CTNNA3: variants seen among roughly 807,000 people sequenced by gnomAD.
CTNNA3 encodes the protein catenin alpha 3.
A neutral mutation model predicts 95.7 loss-of-function variants in CTNNA3; 76 were observed. That is an observed-to-expected ratio of 0.79 (90% CI 0.66 to 0.96). The LOEUF is 0.96. CTNNA3 is among the 40% of genes least tolerant of loss of function. CTNNA3 has a pLI of 0.00. For synonymous variants in CTNNA3, 431 were observed against 374.4 expected (o/e 1.15, Z -1.74); for missense variants, 1,191 against 1,089.8 (o/e 1.09, Z -1.31).
chr10:67,636,196 T>C (rs1418788667), intron 2 of CTNNA3, among the ~76,000 whole-genome samples: 1 of 152,152 alleles, frequency 6.6e-6, no homozygotes, highest in African/African-American at 2.4e-5. Context: ...AATCATTCCA[T>C]CCTCATGGAT....
Position 66,307,536 on chromosome 10 carries a change from G to A in CTNNA3, c.1733-26915C>T, listed in dbSNP as rs190219915. Among the ~76,000 whole-genome samples, 27 of 152,196 alleles carry A rather than the reference G, an allele frequency of 1.8e-4. No homozygotes were observed. In the East Asian group the frequency reaches 5.2e-3, roughly 29 times the overall value. On this transcript the variant is annotated intron_variant, in intron 12 of 17. Coordinates refer to ENST00000433211, the MANE Select transcript of CTNNA3 (RefSeq NM_013266.4). ...TCTTTAACACTTCTAATTATTCAGA[G>A]AGATGACATAATATCTTCTGACAAA...
intron 17 of CTNNA3, among the ~76,000 whole-genome samples, chr10:65,959,471 C>T (rs1047060369): frequency 6.6e-6 from 1 of 152,200 alleles, no homozygotes; most frequent in African/African-American, 2.4e-5. Context: ...CTGTATCGCT[C>T]ATGCTGGGAG....
At chr10:67,442,933 T>C (rs1846581974) in intron 5 of CTNNA3, among the ~76,000 whole-genome samples, 1 of 137,944 alleles carries the variant, frequency 7.2e-6, no homozygotes, top group Admixed American at 7.1e-5. Context: ...CTCCTAATGC[T>C]ATCCCTCCCC....
rs1383824728 is a variant in CTNNA3 at position 65,943,399 on chromosome 10, A to G, written c.2401-22782T>C. ...TGATAGTTTTACACAGAGGATCTAT[A>G]CAAAGCACAACTGTACATATAACCT... On this transcript the variant is annotated intron_variant, in intron 17 of 17. Transcript: ENST00000433211. Among the ~76,000 whole-genome samples, 2 of 152,204 alleles carry G rather than the reference A, an allele frequency of 1.3e-5. 1 individual carries two copies. Among genetic ancestry groups the G allele is most frequent in the East Asian group, 3.8e-4 (2 of 5,202 alleles).
intron 7 of CTNNA3, among the ~76,000 whole-genome samples, chr10:66,938,043 T>C (rs996842157): frequency 6.6e-6 from 1 of 152,332 alleles, no homozygotes; most frequent in African/African-American, 2.4e-5. Context: ...ATGATAGATG[T>C]TGTTGAATTG....
chr10:66,636,717 A>T (rs985819913), intron 9 of CTNNA3, among the ~76,000 whole-genome samples: 4 of 152,158 alleles, frequency 2.6e-5, no homozygotes, highest in African/African-American at 9.7e-5. Context: ...CTCTTTACAG[A>T]GGCCTAAAGA....
intron 7 of CTNNA3, among the ~76,000 whole-genome samples, chr10:66,900,425 C>T (rs1215026362): frequency 6.6e-6 from 1 of 152,134 alleles, no homozygotes; most frequent in Non-Finnish European, 1.5e-5. Flanking sequence ...GAAACCAGAA[C>T]AGAAAAGCAG....
intron 14 of CTNNA3, among the ~76,000 whole-genome samples, chr10:66,086,517 A>C (rs1438195559): frequency 1.3e-5 from 2 of 152,096 alleles, no homozygotes; most frequent in Admixed American, 1.3e-4. Context: ...CAGAATAAAC[A>C]TATGTTTGCA....
chr10:66,380,182 T>C (rs1443008248), intron 11 of CTNNA3, among the ~76,000 whole-genome samples: 1 of 151,758 alleles, frequency 6.6e-6, no homozygotes, highest in African/African-American at 2.4e-5. Flanking sequence ...CCTCTCACTC[T>C]CTCTGTCTGT....
chr10:66,969,763 C>T (rs1925558), intron 7 of CTNNA3, among the ~76,000 whole-genome samples: 142,313 of 152,198 alleles, frequency 0.94, 67,063 homozygotes, highest in East Asian at 1. Context: ...ACTATTTGTA[C>T]TTCTTTTGTG....
intron 2 of CTNNA3, among the ~76,000 whole-genome samples, chr10:67,620,076 T>G (rs906075884): frequency 3.3e-5 from 5 of 152,080 alleles, no homozygotes; most frequent in Non-Finnish European, 5.9e-5. Flanking sequence ...CCAAGTGATC[T>G]AGCAGAGTCT....
Position 65,966,760 on chromosome 10 carries a change from A to G in CTNNA3, c.2266-14T>C. The stretch of plus-strand genomic sequence containing the variant: ...TGGATCTGGGCACTAAATATGAATC[A>G]AAGATAAAAATAGATACAGCAGAAT... On this transcript the variant is annotated splice_polypyrimidine_tract_variant and intron_variant, in intron 16 of 17. Coordinates refer to ENST00000433211, the MANE Select transcript of CTNNA3 (RefSeq NM_013266.4). The G allele has an allele frequency of 6.3e-7, 1 of 1,590,404 alleles. No individual in the cohort carries two copies. The highest frequency in any genetic ancestry group is 2.2e-5 in the East Asian group (1 of 44,564).
At chr10:67,557,231 A>T (rs181854861) in intron 3 of CTNNA3, among the ~76,000 whole-genome samples, 69 of 152,328 alleles carry the variant, frequency 4.5e-4, no homozygotes, top group Non-Finnish European at 6.0e-4. Context: ...GGACTGTGTC[A>T]ACCATGGAAA....
intron 16 of CTNNA3, among the ~76,000 whole-genome samples, chr10:65,978,446 G>C (rs1184314061): frequency 6.9e-6 from 1 of 144,512 alleles, no homozygotes; most frequent in African/African-American, 2.6e-5. Flanking sequence ...TTTTTTCCTT[G>C]CACGTGTTGT....
At chr10:66,382,582 G>A (rs1442548648) in intron 11 of CTNNA3, among the ~76,000 whole-genome samples, 5 of 152,148 alleles carry the variant, frequency 3.3e-5, no homozygotes, top group Non-Finnish European at 5.9e-5. Context: ...AGTGGTTCTC[G>A]TTCTCCCAGC....
chr10:67,665,041 T>G (rs1840296733), intron 1 of CTNNA3, among the ~76,000 whole-genome samples: 1 of 152,254 alleles, frequency 6.6e-6, no homozygotes, highest in Non-Finnish European at 1.5e-5. Context: ...ATGTAAAGTT[T>G]CTAGTGCCTT....
In CTNNA3 at chr10:66,072,330, T is replaced by C. The variant is rs77324594; in HGVS notation, c.1978-2841A>G. ...AATTTGCCAACACCTGCTATAAAAC[T>C]TTCCTATGACCAGGGAACACAGATT... is the stretch of plus-strand genomic sequence containing the variant. On this transcript the variant is annotated intron_variant, in intron 14 of 17. Coordinates refer to ENST00000433211, the MANE Select transcript of CTNNA3 (RefSeq NM_013266.4). 2.2e-3 allele frequency among the ~76,000 whole-genome samples: 335 copies of C among 152,318 alleles called. 5 individuals carry two copies. Among genetic ancestry groups the C allele is most frequent in the African/African-American group, 7.7e-3 (322 of 41,578 alleles).
At chr10:67,097,640 A>G (rs756276076) in intron 7 of CTNNA3, 9 of 1,612,580 alleles carry the variant, frequency 5.6e-6, no homozygotes, top group Non-Finnish European at 7.6e-6. Flanking sequence ...AGCCCACAAT[A>G]AGTTACTGTG....
intron 17 of CTNNA3, among the ~76,000 whole-genome samples, chr10:65,921,664 T>C (rs1178766242): frequency 6.6e-6 from 1 of 152,204 alleles, no homozygotes; most frequent in Admixed American, 6.5e-5. Context: ...AGCTTCCCAA[T>C]CACAGGGCAG....
Sources: gnomAD v4.1 joint callset for allele counts (sites outside exome capture counted in the v4.1 genomes callset) on GRCh38, gnomAD v4.1.1 for gene constraint, MANE v1.5 for transcripts, NCBI Gene and HGNC (gene_info 2026-07-23, HGNC 2026-07-21) for gene names.